Variants in SPATA17 observed in about 807,000 individuals in gnomAD.
SPATA17 encodes spermatogenesis-associated protein 17.
A neutral mutation model predicts 62.2 loss-of-function variants in SPATA17; 53 were observed. The ratio of observed to expected loss-of-function variants is 0.85; its 90% CI spans 0.68 to 1.07. SPATA17 has a LOEUF of 1.07. Among genes scored for constraint, SPATA17 ranks in the 50% least tolerant of loss-of-function variants. The pLI is 0.00. For synonymous variants in SPATA17, 146 were observed against 146.8 expected (o/e 0.99, Z 0.04); for missense variants, 466 against 425.5 (o/e 1.10, Z -0.84).
At chr1:217,668,842 T>A (rs568629024) in intron 3 of SPATA17, among the ~76,000 whole-genome samples, 191 bp from the exon 4 acceptor site, 1 of 152,270 alleles carries the variant, frequency 6.6e-6, no homozygotes, top group South Asian at 2.1e-4. Context: ...CTACCATAGA[T>A]TTTTACTGGT....
At chr1:217,810,611 C>G (rs1674563201) in intron 9 of SPATA17, among the ~76,000 whole-genome samples, 1 of 151,248 alleles carries the variant, frequency 6.6e-6, no homozygotes, top group African/African-American at 2.4e-5. Context: ...GAGTGAGACT[C>G]TGTCTCAAAA....
Position 217,669,950 on chromosome 1 carries a change from C to A in SPATA17, c.291+867C>A, listed in dbSNP as rs139207246. ...GTCTAGCCAGCTCACTCTAGTATTT[C>A]TTCATCCTCCTCTCTGCTTGTTCTC... is the stretch of plus-strand genomic sequence containing the variant. On this transcript the variant is annotated intron_variant, in intron 4 of 10. Transcript: ENST00000366933. Among the ~76,000 whole-genome samples the A allele has an allele frequency of 2.4e-3, 370 of 152,130 alleles. 1 individual carries two copies. Among genetic ancestry groups the A allele is most frequent in the African/African-American group, 8.3e-3 (343 of 41,528 alleles).
intron 8 of SPATA17, among the ~76,000 whole-genome samples, chr1:217,791,398 G>C (rs1673991752): frequency 6.6e-6 from 1 of 152,114 alleles, no homozygotes; most frequent in African/African-American, 2.4e-5. Flanking sequence ...TGGGGATATA[G>C]ATAATAAGCC....
At chr1:217,680,869 G>A (rs982679575) in intron 4 of SPATA17, among the ~76,000 whole-genome samples, 3 of 149,620 alleles carry the variant, frequency 2.0e-5, no homozygotes, top group Non-Finnish European at 4.4e-5. Flanking sequence ...AGGTTGCAGT[G>A]GGCCGAGATC....
Position 217,785,873 on chromosome 1 carries a change from A to C in SPATA17, c.872+3551A>C, listed in dbSNP as rs569182319. 3.3e-5 allele frequency among the ~76,000 whole-genome samples: 5 copies of C among 152,278 alleles called. No homozygotes were observed. In the East Asian group the frequency reaches 7.7e-4, roughly 24 times the overall value. On this transcript the variant is annotated intron_variant, in intron 8 of 10. Coordinates refer to ENST00000366933, the MANE Select transcript of SPATA17 (RefSeq NM_138796.4). ...AAAGACATGGAAAATAGATTACGGAAGTTTTTTTGGAAGTCATTTTAAAGC... is the reference window on the plus strand; with the variant it reads ...AAAGACATGGAAAATAGATTACGGACGTTTTTTTGGAAGTCATTTTAAAGC...
intron 5 of SPATA17, among the ~76,000 whole-genome samples, chr1:217,736,585 G>T (rs1672513930): frequency 6.6e-6 from 1 of 152,046 alleles, no homozygotes; most frequent in East Asian, 1.9e-4. Context: ...GAAATAAATG[G>T]TTTGCTAGGA....
chr1:217,747,955 C>T lies in SPATA17; in HGVS notation c.519+5857C>T, dbSNP rs12138847. ...GAAGCCAAAATGGTTTCAGCTACTT[C>T]TTTCCCAAATCATATTAAATCATAT... On this transcript the variant is annotated intron_variant, in intron 6 of 10. Coordinates refer to ENST00000366933, the MANE Select transcript of SPATA17 (RefSeq NM_138796.4). 5.6e-3 allele frequency among the ~76,000 whole-genome samples: 859 copies of T among 152,312 alleles called. 5 individuals are homozygous for T. Among genetic ancestry groups the T allele is most frequent in the Non-Finnish European group, 9.7e-3 (658 of 68,026 alleles).
chr1:217,683,473 C>A (rs1441231184), intron 5 of SPATA17, 112 bp downstream of exon 5: 2 of 718,496 alleles, frequency 2.8e-6, no homozygotes, highest in Non-Finnish European at 4.8e-6. Context: ...GAGTCTTGCT[C>A]TGTTGCCCAG....
chr1:217,777,063 A>G (rs1208731703), intron 7 of SPATA17, among the ~76,000 whole-genome samples: 1 of 152,180 alleles, frequency 6.6e-6, no homozygotes, highest in Non-Finnish European at 1.5e-5. Context: ...CTTGGGAGTC[A>G]TCCTAGAGCC....
chr1:217,727,633 T>A (rs767758214), intron 5 of SPATA17, among the ~76,000 whole-genome samples: 1 of 152,192 alleles, frequency 6.6e-6, no homozygotes, highest in Non-Finnish European at 1.5e-5. Context: ...TTAAAATGTA[T>A]AATATTCTTT....
chr1:217,662,802 CAT>C lies in SPATA17; in HGVS notation c.241-6230_241-6229del, dbSNP rs367834153. On this transcript the variant is annotated intron_variant, in intron 3 of 10. Coordinates refer to ENST00000366933, the MANE Select transcript of SPATA17 (RefSeq NM_138796.4). ...TTTATTTCTCTTCATTAGATGAACA[CAT>C]GTTTATTTTTAGATGAGAAAATGCC... is the stretch of plus-strand genomic sequence containing the variant. 2.1e-3 allele frequency among the ~76,000 whole-genome samples: 326 copies of C among 152,234 alleles called. 2 individuals carry two copies. Among genetic ancestry groups the C allele is most frequent in the Middle Eastern group, 0.017 (5 of 294 alleles).
intron 8 of SPATA17, among the ~76,000 whole-genome samples, chr1:217,789,983 G>C (rs1673960502): frequency 6.6e-6 from 1 of 152,034 alleles, no homozygotes; most frequent in South Asian, 2.1e-4. Context: ...GTGGCAGTGA[G>C]CCCAGATCGC....
intron 3 of SPATA17, among the ~76,000 whole-genome samples, chr1:217,654,921 C>CG (rs1670405835): frequency 1.2e-4 from 18 of 152,000 alleles, no homozygotes; most frequent in Non-Finnish European, 1.9e-4. Context: ...CCGTGTTAGC[C>CG]AGATGGTCTC....
In SPATA17 at chr1:217,777,797, A is replaced by T. The variant is rs921495391; in HGVS notation, c.723+3260A>T. ...TAAACTGGAGTGACAAGCATAGTGG[A>T]GTGAGCAAGGGGACAAAAGAGAGAT... On this transcript the variant is annotated intron_variant, in intron 7 of 10. Transcript: ENST00000366933. 5.3e-5 allele frequency among the ~76,000 whole-genome samples: 8 copies of T among 152,250 alleles called. No homozygotes were observed. The East Asian group carries it at 1.5e-3, about 29-fold the overall frequency.
At chr1:217,840,365 C>G (rs1327358191) in intron 9 of SPATA17, among the ~76,000 whole-genome samples, 1 of 152,036 alleles carries the variant, frequency 6.6e-6, no homozygotes, top group Non-Finnish European at 1.5e-5. Context: ...TGAGAAAGAG[C>G]TTTAGGTGCA....
At chr1:217,713,006 C>G (rs75406564) in intron 5 of SPATA17, among the ~76,000 whole-genome samples, 1 of 152,224 alleles carries the variant, frequency 6.6e-6, no homozygotes, top group African/African-American at 2.4e-5. Context: ...CCACTGGAGA[C>G]AGAAATGAAG....
chr1:217,759,145 A>G (rs1333915989), intron 6 of SPATA17, among the ~76,000 whole-genome samples: 1 of 152,192 alleles, frequency 6.6e-6, no homozygotes, highest in Non-Finnish European at 1.5e-5. Context: ...AGGGAAAAAC[A>G]TGAAATATTC....
intron 4 of SPATA17, among the ~76,000 whole-genome samples, chr1:217,671,047 A>G (rs1670821395): frequency 6.6e-6 from 1 of 152,168 alleles, no homozygotes; most frequent in Non-Finnish European, 1.5e-5. Flanking sequence ...AAGAAAAAGA[A>G]AAAAGTTACT....
At position 217,774,512 on chromosome 1, in the gene SPATA17, C is replaced by T. The variant is rs141925976; in HGVS notation, c.698C>T (p.Pro233Leu). 12 of 1,613,828 alleles carry T rather than the reference C, an allele frequency of 7.4e-6. No homozygotes were observed. Among genetic ancestry groups the T allele is most frequent in the Middle Eastern group, 1.6e-4 (1 of 6,062 alleles). Residue 233 changes from proline (P) to leucine (L), a missense_variant, in exon 7 of 11, where the codon CCA becomes CTA. Coordinates refer to ENST00000366933, the MANE Select transcript of SPATA17 (RefSeq NM_138796.4). ...TCTTTTCCTCGGTCTGAAATTCTAC[C>T]ACCTATTAATAGAAAGCAATGTCAG... Reference protein sequence around the residue: ...ARSFPRSEILPPINRKQCQGP... With the variant: ...ARSFPRSEILLPINRKQCQGP...
Sources: allele counts gnomAD v4.1 joint callset (sites outside exome capture counted in the v4.1 genomes callset), GRCh38; gene constraint gnomAD v4.1.1; transcripts MANE v1.5; gene names NCBI Gene and HGNC (gene_info 2026-07-23, HGNC 2026-07-21).